The following FOXP1 variants were observed in gnomAD, a reference collection of about 807,000 sequenced individuals.
FOXP1 encodes the protein forkhead box P1, also known as forkhead box protein P1.
A neutral mutation model predicts 98.2 loss-of-function variants in FOXP1; 15 were observed. The ratio of observed to expected loss-of-function variants is 0.15; its 90% CI spans 0.10 to 0.24. The LOEUF (loss-of-function observed/expected upper bound fraction) is 0.24. Ranked by LOEUF, FOXP1 falls within the 10% of genes least tolerant of loss-of-function variation. The probability of loss-of-function intolerance (pLI) is 1.00; values close to 1 mark genes in which losing one functional copy is unlikely to be tolerated. For synonymous variants in FOXP1, 371 were observed against 314.5 expected, an observed-to-expected ratio of 1.18 and a Z score of -1.90; for missense variants, 633 against 848.5, an observed-to-expected ratio of 0.75 and a Z score of 3.15.
intron 5 of FOXP1, among the ~76,000 whole-genome samples, chr3:71,226,524 G>T (rs1364538565): frequency 6.6e-6 from 1 of 151,626 alleles, no homozygotes; most frequent in Non-Finnish European, 1.5e-5. Flanking sequence ...GGTCTACTCT[G>T]GGGGTCCCTA....
chr3:71,359,954 G>A (rs1287520013), intron 3 of FOXP1, among the ~76,000 whole-genome samples: 1 of 151,980 alleles, frequency 6.6e-6, no homozygotes, highest in Admixed American at 6.6e-5. Flanking sequence ...CACCGTGTCT[G>A]GCTAATTTTT....
chr3:71,310,858 G>A (rs763955), intron 4 of FOXP1, among the ~76,000 whole-genome samples: 16,696 of 152,188 alleles, frequency 0.11, 1,096 homozygotes, highest in Non-Finnish European at 0.15. Flanking sequence ...AACACAGCTG[G>A]AGCCAGATGA....
chr3:71,472,200 G>A (rs765249002), intron 3 of FOXP1, among the ~76,000 whole-genome samples: 6 of 152,022 alleles, frequency 3.9e-5, no homozygotes, highest in African/African-American at 7.2e-5. Flanking sequence ...CAGGGTGTTT[G>A]TTTTTACCTC....
intron 6 of FOXP1, among the ~76,000 whole-genome samples, chr3:71,190,926 A>G (rs2062941888): frequency 6.6e-6 from 1 of 152,220 alleles, no homozygotes; most frequent in South Asian, 2.1e-4. Flanking sequence ...TCAAAGACAA[A>G]GTGATGAAAA....
intron 6 of FOXP1, among the ~76,000 whole-genome samples, chr3:71,178,217 C>T (rs2062064662): frequency 6.6e-6 from 1 of 151,204 alleles, no homozygotes; most frequent in Admixed American, 6.6e-5. Context: ...TCCCTGCAAC[C>T]TCCGCCTCCC....
At chr3:71,496,310 A>G (rs965957861) in intron 2 of FOXP1, among the ~76,000 whole-genome samples, 4 of 152,164 alleles carry the variant, frequency 2.6e-5, no homozygotes, top group Non-Finnish European at 5.9e-5. Flanking sequence ...AGAAGAATTC[A>G]TTATCTTGAG....
At chr3:71,536,827 A>AC (rs1232686588) in intron 2 of FOXP1, among the ~76,000 whole-genome samples, 2 of 151,666 alleles carry the variant, frequency 1.3e-5, no homozygotes, top group African/African-American at 2.4e-5. Flanking sequence ...GGGTTCTCCC[A>AC]CCCCCACAGA....
intron 7 of FOXP1, among the ~76,000 whole-genome samples, chr3:71,067,773 C>T (rs889446132): frequency 7.0e-6 from 1 of 142,872 alleles, no homozygotes; most frequent in Non-Finnish European, 1.5e-5. Flanking sequence ...CAATTAGCCA[C>T]GTGTGATGGT....
At position 71,053,690 on chromosome 3, in the gene FOXP1, G is replaced by A. The variant is rs1272549911; in HGVS notation, c.366C>T (p.Ser122=). Residue 122 remains serine (S), a synonymous_variant, in exon 8 of 21, where the codon AGC becomes AGT. Coordinates refer to ENST00000649528, the MANE Select transcript of FOXP1 (RefSeq NM_001349338.3). ...MQQILQQQVL[S]PQQLQVLLQQ... ...GGAGGAGAACCTGGAGCTGCTGAGGGCTCAGCACTTGTTGCTGGAGGATCT... is the reference window on the plus strand; with the variant it reads ...GGAGGAGAACCTGGAGCTGCTGAGGACTCAGCACTTGTTGCTGGAGGATCT... The A allele has an allele frequency of 1.9e-6, 3 of 1,614,034 alleles. No homozygotes were observed. Among genetic ancestry groups the A allele is most frequent in the South Asian group, 1.1e-5 (1 of 91,082 alleles).
At chr3:71,499,057 C>A (rs1314201813) in intron 2 of FOXP1, among the ~76,000 whole-genome samples, 2 of 152,194 alleles carry the variant, frequency 1.3e-5, no homozygotes, top group South Asian at 2.1e-4. Flanking sequence ...ATCTGCTTCT[C>A]CAGAGGCTCC....
rs146318665 is a variant in FOXP1, at chr3:71,152,114, G to A, written c.181-39477C>T. On this transcript the variant is annotated intron_variant, in intron 6 of 20. Coordinates refer to ENST00000649528, the MANE Select transcript of FOXP1 (RefSeq NM_001349338.3). ...TAGGTGAGCCCCTTCAAAGAGGGTCGGAGGCTGTTCCTGAAGACAGAGATT... is the reference window on the plus strand; with the variant it reads ...TAGGTGAGCCCCTTCAAAGAGGGTCAGAGGCTGTTCCTGAAGACAGAGATT... 2.6e-4 allele frequency among the ~76,000 whole-genome samples: 40 copies of A among 152,240 alleles called. No individual in the cohort carries two copies. In the East Asian group the frequency reaches 5.2e-3, roughly 20 times the overall value.
At chr3:71,559,750 G>A (rs1027468982) in intron 2 of FOXP1, among the ~76,000 whole-genome samples, 3 of 152,178 alleles carry the variant, frequency 2.0e-5, no homozygotes, top group African/African-American at 7.2e-5. Context: ...AGAGGGCTGA[G>A]GTGGGAGGAT....
chr3:71,558,696 T>C (rs996370612), intron 2 of FOXP1, among the ~76,000 whole-genome samples: 3 of 151,644 alleles, frequency 2.0e-5, no homozygotes, highest in Non-Finnish European at 4.4e-5. Flanking sequence ...GGTTTCACTA[T>C]GTTGGCCAGG....
At position 70,957,240 on chromosome 3, in the gene FOXP1, T is replaced by C. The variant is rs2032048934; in HGVS notation, c.*2007A>G. The C allele has an allele frequency of 4.4e-6, 1 of 225,066 alleles. No individual in the cohort carries two copies. Among genetic ancestry groups the C allele is most frequent in the African/African-American group, 2.2e-5 (1 of 44,830 alleles). The allele number at this position is 225,066 out of a possible 1,614,324, so 13.9% of individuals were successfully genotyped here. On this transcript the variant is annotated 3_prime_UTR_variant, in exon 21 of 21. Transcript: ENST00000649528. ...TTATCTGCAGTAGCCCCATAAAATCTCTTTAAGAGAATGAGTTTTGGTCTC... is the reference window on the plus strand; with the variant it reads ...TTATCTGCAGTAGCCCCATAAAATCCCTTTAAGAGAATGAGTTTTGGTCTC...
intron 5 of FOXP1, among the ~76,000 whole-genome samples, chr3:71,250,491 C>A (rs998043663): frequency 2.0e-5 from 3 of 152,168 alleles, no homozygotes; most frequent in African/African-American, 7.2e-5. Context: ...TTGGACTGTG[C>A]AGTTTTAGAG....
chr3:71,441,561 C>T (rs1215843465), intron 3 of FOXP1, among the ~76,000 whole-genome samples: 1 of 152,192 alleles, frequency 6.6e-6, no homozygotes, highest in Non-Finnish European at 1.5e-5. Flanking sequence ...GGAGAATGAT[C>T]CTACGATGCC....
At chr3:71,192,878 C>A (rs1344273541) in intron 6 of FOXP1, among the ~76,000 whole-genome samples, 1 of 152,130 alleles carries the variant, frequency 6.6e-6, no homozygotes, top group East Asian at 1.9e-4. Context: ...TCAAACTCCT[C>A]AGCTCAAGGA....
chr3:71,249,742 G>T (rs953675669), intron 5 of FOXP1, among the ~76,000 whole-genome samples: 2 of 152,150 alleles, frequency 1.3e-5, no homozygotes, highest in African/African-American at 4.8e-5. Flanking sequence ...TAGATGGCTG[G>T]CTCCACTCAG....
At chr3:71,450,318 C>T (rs760680241) in intron 3 of FOXP1, among the ~76,000 whole-genome samples, 5 of 152,178 alleles carry the variant, frequency 3.3e-5, no homozygotes, top group African/African-American at 7.2e-5. Context: ...AGAACAGAAA[C>T]TCTACATACT....
Sources: allele counts gnomAD v4.1 joint callset (sites outside exome capture counted in the v4.1 genomes callset), GRCh38; gene constraint gnomAD v4.1.1; transcripts MANE v1.5; gene names NCBI Gene and HGNC (gene_info 2026-07-23, HGNC 2026-07-21).